Variants in POC1A observed in about 807,000 individuals in gnomAD.
The protein encoded by POC1A is POC1 centriolar protein homolog A.
POC1A carries 34 observed loss-of-function variants against 47.8 expected under a neutral mutation model. The ratio of observed to expected loss-of-function variants is 0.71; its 90% CI spans 0.54 to 0.95. The LOEUF (loss-of-function observed/expected upper bound fraction) is 0.95, where lower values mean the gene tolerates loss of function less well. Ranked by LOEUF, POC1A falls within the 40% of genes least tolerant of loss-of-function variation. The pLI, the probability that POC1A is intolerant of heterozygous loss-of-function variation, is 0.00. For synonymous variants in POC1A, 177 were observed against 207.6 expected (o/e 0.85, Z 1.27); for missense variants, 466 against 528.3 (o/e 0.88, Z 1.16).
rs868650183 is a variant in POC1A, at chr3:52,154,362, G to T, written c.11C>A (p.Pro4His). The change falls in exon 1 of 11, where the codon CCC becomes CAC. Residue 4 changes from proline to histidine, a missense_variant. Coordinates refer to ENST00000296484, the MANE Select transcript of POC1A (RefSeq NM_015426.5). Reference protein sequence around the residue: MAAPCAEDPSLERH... With the variant: MAAHCAEDPSLERH... ...GCTCTCGGCTGGGCTTACCGCGCAG[G>T]GCGCAGCCATGGCGGGGCTGGCGGC... 6.5e-7 allele frequency: 1 copy of T among 1,531,588 alleles called. No individual in the cohort carries two copies. The highest frequency in any genetic ancestry group is 2.7e-5 in the East Asian group (1 of 37,288). 94.9% of individuals were successfully genotyped at this position (1,531,588 alleles called of 1,614,324 possible). A position where few individuals can be genotyped will look rare whatever the true frequency, so the allele number is the denominator to read the frequency against.
At position 52,125,114 on chromosome 3, in the gene POC1A, T is replaced by C. The variant is rs1390203867; in HGVS notation, c.881A>G (p.Gln294Arg). The change falls in exon 8 of 11, where the codon CAA (glutamine) becomes CGA (arginine). Residue 294 changes from glutamine to arginine, a missense_variant and splice_region_variant. Gln to Arg is a conservative substitution (Grantham distance 43). Coordinates refer to ENST00000296484, the MANE Select transcript of POC1A (RefSeq NM_015426.5). The stretch of plus-strand genomic sequence containing the variant: ...TCCATTCGACTACTCTTTACTTACT[T>C]GTTCATCAGAGCCTCCAGAAGCAAA... ...EYFASGGSDE[Q>R]VMVWKSNFDI... 1.9e-6 allele frequency: 3 copies of C among 1,608,182 alleles called. No individual in the cohort carries two copies. Among genetic ancestry groups the C allele is most frequent in the Non-Finnish European group, 2.6e-6 (3 of 1,174,546 alleles).
intron 9 of POC1A, among the ~76,000 whole-genome samples, chr3:52,116,979 C>G (rs1318921859): frequency 2.0e-5 from 3 of 152,016 alleles, no homozygotes; most frequent in Admixed American, 6.5e-5. Flanking sequence ...CCTGAGCTCT[C>G]GAGTTCGAGA....
chr3:52,090,945 G>A lies in POC1A; in HGVS notation c.1125+5624C>T, dbSNP rs1042526222. Among the ~76,000 whole-genome samples the A allele has an allele frequency of 6.6e-6, 1 of 152,224 alleles. No individual in the cohort carries two copies. Among genetic ancestry groups the A allele is most frequent in the African/African-American group, 2.4e-5 (1 of 41,454 alleles). On this transcript the variant is annotated intron_variant, in intron 10 of 10. Transcript: ENST00000296484. The surrounding 1 kb of genome is among the most constrained non-coding windows in gnomAD (Gnocchi z 4.2). ...CCTCTGCTGCCCACCCCATGGGACA[G>A]ACAGACAGAGGGGCAGCGCTTAAAA...
chr3:52,151,165 A>G, intron 1 of POC1A, 65 bp from the exon 2 acceptor site: 1 of 1,606,330 alleles, frequency 6.2e-7, no homozygotes, highest in Non-Finnish European at 8.5e-7. Flanking sequence ...CAGGGCCAGC[A>G]CTCTTCCTAC....
intron 9 of POC1A, among the ~76,000 whole-genome samples, chr3:52,098,941 A>T (rs1702906399): frequency 6.6e-6 from 1 of 152,202 alleles, no homozygotes; most frequent in African/African-American, 2.4e-5. Context: ...AACTTGTTCT[A>T]AGTTACCCAG....
At chr3:52,107,942 T>C (rs920560723) in intron 9 of POC1A, among the ~76,000 whole-genome samples, 1 of 152,240 alleles carries the variant, frequency 6.6e-6, no homozygotes, top group Non-Finnish European at 1.5e-5. Context: ...TCCAGAATCC[T>C]ACCGATGCAT....
intron 9 of POC1A, among the ~76,000 whole-genome samples, chr3:52,101,771 T>C (rs1009411952): frequency 3.3e-5 from 5 of 152,160 alleles, no homozygotes; most frequent in Non-Finnish European, 7.3e-5. Context: ...ATTGGAATCC[T>C]AGAAGGAGAA....
chr3:52,131,015 G>A (rs994136974), intron 7 of POC1A, among the ~76,000 whole-genome samples: 3 of 152,002 alleles, frequency 2.0e-5, no homozygotes, highest in East Asian at 1.9e-4. Context: ...TCACCCACAC[G>A]GGGTCGGGGG....
intron 9 of POC1A, among the ~76,000 whole-genome samples, chr3:52,112,803 G>A (rs768223902): frequency 3.1e-4 from 47 of 152,278 alleles, no homozygotes; most frequent in South Asian, 2.1e-3. Context: ...TAGAAACTTC[G>A]AAGATAAAGA....
chr3:52,078,148 G>C (rs1702175196), intron 10 of POC1A, among the ~76,000 whole-genome samples: 2 of 152,046 alleles, frequency 1.3e-5, no homozygotes, highest in Non-Finnish European at 2.9e-5. Context: ...AGCTTCAGAG[G>C]AGCTGTGTCA....
chr3:52,128,240 A>G (rs958266931), intron 7 of POC1A, among the ~76,000 whole-genome samples: 1 of 152,186 alleles, frequency 6.6e-6, no homozygotes, highest in Non-Finnish European at 1.5e-5. Context: ...CTTTCATGTC[A>G]TGACTCAACC....
rs996523845 is a variant in POC1A at position 52,090,765 on chromosome 3, A to C, written c.1125+5804T>G. On this transcript the variant is annotated intron_variant, in intron 10 of 10. Coordinates refer to ENST00000296484, the MANE Select transcript of POC1A (RefSeq NM_015426.5). The surrounding 1 kb of genome is among the most constrained non-coding windows in gnomAD (Gnocchi z 4.2). The stretch of plus-strand genomic sequence containing the variant: ...TCAGGCCCAGGGCCTCTGCTTGCAC[A>C]CCTACTGAGCGCCCATCCCTGGGCA... Among the ~76,000 whole-genome samples the C allele has an allele frequency of 6.6e-6, 1 of 152,022 alleles. No homozygotes were observed. Among genetic ancestry groups the C allele is most frequent in the African/African-American group, 2.4e-5 (1 of 41,376 alleles).
chr3:52,094,233 G>C (rs964859250), intron 10 of POC1A, among the ~76,000 whole-genome samples: 3 of 152,248 alleles, frequency 2.0e-5, no homozygotes, highest in African/African-American at 7.2e-5. Flanking sequence ...ATGGCAAGGA[G>C]TGCTTGCTGA....
At chr3:52,106,547 G>A (rs1330924037) in intron 9 of POC1A, among the ~76,000 whole-genome samples, 1 of 152,192 alleles carries the variant, frequency 6.6e-6, no homozygotes, top group African/African-American at 2.4e-5. Flanking sequence ...TGAAGGGGTT[G>A]AGGGGTAGGT....
rs1228253527 is a variant in POC1A at position 52,090,558 on chromosome 3, G to A, written c.1125+6011C>T. The stretch of plus-strand genomic sequence containing the variant: ...CTGAGCACTGTGCAGCAGCCCTCTG[G>A]CCTCTTGAGGGTCCATGAAGGAAGC... On this transcript the variant is annotated intron_variant, in intron 10 of 10. Transcript: ENST00000296484. This position sits in a 1 kb window ranked among gnomAD's most constrained non-coding sequence, Gnocchi z 4.2. 6.6e-6 allele frequency among the ~76,000 whole-genome samples: 1 copy of A among 152,012 alleles called. No individual in the cohort carries two copies. Among genetic ancestry groups the A allele is most frequent in the Non-Finnish European group, 1.5e-5 (1 of 67,996 alleles).
chr3:52,106,390 GC>G (rs1177615855), intron 9 of POC1A, among the ~76,000 whole-genome samples: 4 of 152,156 alleles, frequency 2.6e-5, no homozygotes, highest in African/African-American at 9.7e-5. Flanking sequence ...AGGTGTGATG[GC>G]ATGCGCCTGT....
At position 52,096,563 on chromosome 3, in the gene POC1A, GCCTA is replaced by G. The variant is rs1363451108; in HGVS notation, c.1125+2_1125+5del. 1 of 1,562,134 alleles carries G rather than the reference GCCTA, an allele frequency of 6.4e-7. No individual in the cohort carries two copies. The highest frequency in any genetic ancestry group is 8.6e-7 in the Non-Finnish European group (1 of 1,156,196). ...GGATGACGGGTGAACCCACAGTGTG[GCCTA>G]CCTGAGTGAGGACATCCAGCTGGCC... is the stretch of plus-strand genomic sequence containing the variant. On this transcript the variant is annotated splice_donor_variant and splice_donor_5th_base_variant and intron_variant, in intron 10 of 10. Coordinates refer to ENST00000296484, the MANE Select transcript of POC1A (RefSeq NM_015426.5). LOFTEE classifies it high-confidence loss of function.
intron 7 of POC1A, among the ~76,000 whole-genome samples, chr3:52,125,623 C>G (rs1703968879): frequency 6.6e-6 from 1 of 152,112 alleles, no homozygotes; most frequent in Non-Finnish European, 1.5e-5. Flanking sequence ...TGCACAGTTG[C>G]TGACCAGAGA....
intron 8 of POC1A, 47 bp downstream of exon 8, chr3:52,125,066 G>T: frequency 7.0e-7 from 1 of 1,421,780 alleles, no homozygotes; most frequent in Non-Finnish European, 9.9e-7. Flanking sequence ...GCAGAAATCA[G>T]CTCAGATTCC....
Sources: allele counts gnomAD v4.1 joint callset (sites outside exome capture counted in the v4.1 genomes callset), GRCh38; gene constraint gnomAD v4.1.1; non-coding constraint Gnocchi (gnomAD v3.1); transcripts MANE v1.5; gene names NCBI Gene and HGNC (gene_info 2026-07-23, HGNC 2026-07-21).